The following SSBP2 variants were observed in gnomAD, a reference collection of about 807,000 sequenced individuals.
SSBP2 encodes the protein single stranded DNA binding protein 2, also known as single-stranded DNA-binding protein 2.
SSBP2 carries 17 observed loss-of-function variants against 61.8 expected under a neutral mutation model. That is an observed-to-expected ratio of 0.28 (90% confidence interval 0.19 to 0.41). The LOEUF is 0.41. Ranked by LOEUF, SSBP2 falls within the 10% of genes least tolerant of loss-of-function variation. The probability of loss-of-function intolerance (pLI) is 1.00; values close to 1 mark genes in which losing one functional copy is unlikely to be tolerated. For synonymous variants in SSBP2, 139 were observed against 141.3 expected (o/e 0.98, Z 0.12); for missense variants, 310 against 458.7 (o/e 0.68, Z 2.96).
chr5:81,509,537 CT>C (rs1561484336), intron 5 of SSBP2, among the ~76,000 whole-genome samples: 1 of 152,164 alleles, frequency 6.6e-6, no homozygotes, highest in African/African-American at 2.4e-5. Context: ...TTAGGACACA[CT>C]TGAGTCATTT....
intron 1 of SSBP2, among the ~76,000 whole-genome samples, chr5:81,734,561 A>C (rs1003223509): frequency 4.6e-5 from 7 of 152,236 alleles, no homozygotes; most frequent in African/African-American, 1.4e-4. Flanking sequence ...GGAAAATGGA[A>C]GCCAGTGCAA....
At chr5:81,466,788 C>G (rs1445767093) in intron 9 of SSBP2, among the ~76,000 whole-genome samples, 186 bp downstream of exon 9, 1 of 151,952 alleles carries the variant, frequency 6.6e-6, no homozygotes, top group Non-Finnish European at 1.5e-5. Flanking sequence ...GAAGCAAACA[C>G]TACAGCTCTT....
intron 8 of SSBP2, 29 bp from the exon 9 acceptor site, chr5:81,467,094 A>C: frequency 6.8e-7 from 1 of 1,474,174 alleles, no homozygotes; most frequent in Non-Finnish European, 9.4e-7. Flanking sequence ...ACAAAACCAA[A>C]GAGGAGGGGG....
At chr5:81,453,433 G>A (rs536484625) in intron 10 of SSBP2, among the ~76,000 whole-genome samples, 1 of 150,814 alleles carries the variant, frequency 6.6e-6, no homozygotes, top group African/African-American at 2.4e-5. Flanking sequence ...CAGTGATTAG[G>A]AAATATCTAA....
chr5:81,635,214 C>T (rs187597444), intron 3 of SSBP2, among the ~76,000 whole-genome samples: 14 of 150,068 alleles, frequency 9.3e-5, no homozygotes, highest in Non-Finnish European at 1.9e-4. Context: ...ATAACTTCTT[C>T]GAGGCAAAAA....
At chr5:81,448,546 T>C (rs1014358356) in intron 11 of SSBP2, among the ~76,000 whole-genome samples, 1 of 152,194 alleles carries the variant, frequency 6.6e-6, no homozygotes, top group Non-Finnish European at 1.5e-5. Flanking sequence ...CAGAGTGTAT[T>C]GTACTGGTTT....
chr5:81,432,982 T>TC (rs1762418180), intron 15 of SSBP2, among the ~76,000 whole-genome samples: 1 of 116,138 alleles, frequency 8.6e-6, no homozygotes, highest in African/African-American at 3.4e-5. Context: ...GGGAGGGAGG[T>TC]GGGGGGGGTC....
intron 5 of SSBP2, among the ~76,000 whole-genome samples, chr5:81,498,336 A>G (rs531603525): frequency 3.9e-5 from 6 of 152,244 alleles, no homozygotes; most frequent in Middle Eastern, 3.4e-3. Context: ...AATTATATTA[A>G]CTACGTATAT....
chr5:81,645,487 T>C (rs958161286), intron 2 of SSBP2, among the ~76,000 whole-genome samples: 1 of 152,216 alleles, frequency 6.6e-6, no homozygotes, highest in Non-Finnish European at 1.5e-5. Context: ...GGAAAAAATC[T>C]AGAATCTTTA....
intron 8 of SSBP2, among the ~76,000 whole-genome samples, chr5:81,471,340 C>T (rs1247707815): frequency 6.6e-6 from 1 of 151,686 alleles, no homozygotes; most frequent in African/African-American, 2.4e-5. Flanking sequence ...AAATCAGATT[C>T]TAGTTTTTGA....
At chr5:81,549,901 C>T (rs1002334583) in intron 4 of SSBP2, among the ~76,000 whole-genome samples, 2 of 152,114 alleles carry the variant, frequency 1.3e-5, no homozygotes, top group Non-Finnish European at 2.9e-5. Context: ...CGGTAAGTCA[C>T]ACTTTTCAGG....
intron 15 of SSBP2, among the ~76,000 whole-genome samples, chr5:81,432,850 T>G (rs1580665747): frequency 1.5e-5 from 2 of 131,272 alleles, no homozygotes; most frequent in African/African-American, 2.9e-5. Context: ...GTCCGGGAGG[T>G]GAGGGGCGCC....
chr5:81,734,904 G>A (rs1756496459), intron 1 of SSBP2, among the ~76,000 whole-genome samples: 1 of 149,976 alleles, frequency 6.7e-6, no homozygotes, highest in African/African-American at 2.5e-5. Context: ...CCGGGAGGAG[G>A]AGCTTGCAGT....
intron 3 of SSBP2, among the ~76,000 whole-genome samples, chr5:81,622,627 ATAAT>A (rs1746713895): frequency 6.6e-6 from 1 of 152,256 alleles, no homozygotes; most frequent in Non-Finnish European, 1.5e-5. Flanking sequence ...CATCAACACT[ATAAT>A]TAGTTTGCAT....
At chr5:81,700,234 G>A (rs1269888732) in intron 1 of SSBP2, among the ~76,000 whole-genome samples, 1 of 152,118 alleles carries the variant, frequency 6.6e-6, no homozygotes, top group Non-Finnish European at 1.5e-5. Flanking sequence ...AGTAGGCAGG[G>A]AAACAATATC....
intron 15 of SSBP2, among the ~76,000 whole-genome samples, chr5:81,435,665 T>A (rs1580675846): frequency 6.6e-5 from 10 of 152,140 alleles, no homozygotes; most frequent in Admixed American, 6.6e-4. Flanking sequence ...TTTAAACTTT[T>A]ATAAATTATA....
At chr5:81,726,545 T>C (rs1178850567) in intron 1 of SSBP2, among the ~76,000 whole-genome samples, 2 of 152,186 alleles carry the variant, frequency 1.3e-5, no homozygotes, top group Non-Finnish European at 2.9e-5. Context: ...TGCATACTAT[T>C]ACCAACTGAA....
intron 1 of SSBP2, among the ~76,000 whole-genome samples, chr5:81,693,076 G>A (rs1174910541): frequency 4.6e-5 from 7 of 151,824 alleles, no homozygotes; most frequent in Middle Eastern, 3.4e-3. Context: ...ATGGTGGCAC[G>A]CGCCTGTAGT....
At chr5:81,692,024 AGAAAGAAATAAAGGCATCCAAACTG>A (rs1753240763) in intron 1 of SSBP2, among the ~76,000 whole-genome samples, 1 of 152,206 alleles carries the variant, frequency 6.6e-6, no homozygotes, top group South Asian at 2.1e-4. Context: ...ATCAGACAAG[AGAAAGAAATAAAGGCATCCAAACTG>A]GAAAGAAATA....
Sources: gnomAD v4.1 joint callset for allele counts (sites outside exome capture counted in the v4.1 genomes callset) on GRCh38, gnomAD v4.1.1 for gene constraint, MANE v1.5 for transcripts, NCBI Gene and HGNC (gene_info 2026-07-23, HGNC 2026-07-21) for gene names.